KIF26B: variants seen among roughly 807,000 people sequenced by gnomAD.
KIF26B encodes kinesin-like protein KIF26B.
KIF26B carries 63 observed loss-of-function variants against 151.2 expected under a neutral mutation model. That is an observed-to-expected ratio of 0.42 (90% CI 0.34 to 0.51). KIF26B has a LOEUF of 0.51. Among genes scored for constraint, KIF26B ranks in the 20% least tolerant of loss-of-function variants. The pLI is 0.07. For missense variants in KIF26B, 2,813 were observed against 2,913.6 expected (o/e 0.97, Z 0.79); for synonymous variants, 1,357 against 1,262.1 (o/e 1.08, Z -1.59).
At chr1:245,232,731 G>A (rs913742843) in intron 2 of KIF26B, among the ~76,000 whole-genome samples, 3 of 152,068 alleles carry the variant, frequency 2.0e-5, no homozygotes, top group Non-Finnish European at 4.4e-5. Flanking sequence ...TGTATTTTTA[G>A]TAGAGACGGG....
At chr1:245,478,169 CTA>C (rs1306814249) in intron 4 of KIF26B, among the ~76,000 whole-genome samples, 1 of 151,768 alleles carries the variant, frequency 6.6e-6, no homozygotes, top group Non-Finnish European at 1.5e-5. Context: ...TTATTAGCAC[CTA>C]TTCCTTTCTG....
rs144930318 is a variant in KIF26B at position 245,683,762 on chromosome 1, G to T, written c.2259-471G>T. On this transcript the variant is annotated intron_variant, in intron 10 of 14. Coordinates refer to ENST00000407071, the MANE Select transcript of KIF26B (RefSeq NM_018012.4). ...TTTCCTGGCTAAAGGAACTGTGCAG[G>T]TATTAAAAACCCACCGATCTTTAAT... is the stretch of plus-strand genomic sequence containing the variant. 1.8e-3 allele frequency among the ~76,000 whole-genome samples: 279 copies of T among 152,296 alleles called. 2 individuals carry two copies. The highest frequency in any genetic ancestry group is 6.4e-3 in the African/African-American group (268 of 41,558).
chr1:245,178,514 C>T (rs1421514012), intron 2 of KIF26B, among the ~76,000 whole-genome samples: 5 of 152,110 alleles, frequency 3.3e-5, no homozygotes, highest in African/African-American at 7.2e-5. Flanking sequence ...CCTTTTTAAG[C>T]GTATGGTTCA....
chr1:245,288,484 C>T (rs1273678376), intron 2 of KIF26B, among the ~76,000 whole-genome samples: 1 of 152,078 alleles, frequency 6.6e-6, no homozygotes, highest in Non-Finnish European at 1.5e-5. Context: ...AGCAAATGTC[C>T]CTGGAAAAGG....
In KIF26B at chr1:245,572,984, G is replaced by C. The variant is rs988604184; in HGVS notation, c.1351-29593G>C. Among the ~76,000 whole-genome samples the C allele has an allele frequency of 6.6e-6, 1 of 152,076 alleles. No homozygotes were observed. Among genetic ancestry groups the C allele is most frequent in the African/African-American group, 2.4e-5 (1 of 41,404 alleles). On this transcript the variant is annotated intron_variant, in intron 5 of 14. Coordinates refer to ENST00000407071, the MANE Select transcript of KIF26B (RefSeq NM_018012.4). The surrounding 1 kb of genome is among the most constrained non-coding windows in gnomAD (Gnocchi z 4.2). ...TTCTTTATAAATACACATATCAATG[G>C]AGTTCTTGACATTTTGCCCAGAACC...
chr1:245,395,308 C>G (rs1558149532), intron 3 of KIF26B, among the ~76,000 whole-genome samples: 1 of 152,106 alleles, frequency 6.6e-6, no homozygotes, highest in Non-Finnish European at 1.5e-5. Context: ...TTCCTGGGTT[C>G]TTGATTTGCT....
At chr1:245,336,637 CT>C (rs1391871152) in intron 2 of KIF26B, among the ~76,000 whole-genome samples, 13 of 152,222 alleles carry the variant, frequency 8.5e-5, no homozygotes, top group Admixed American at 8.5e-4. Context: ...GGGAGAGCAC[CT>C]GAAGCCGCCT....
intron 4 of KIF26B, among the ~76,000 whole-genome samples, chr1:245,487,035 A>G (rs1249716251): frequency 6.6e-6 from 1 of 152,168 alleles, no homozygotes; most frequent in African/African-American, 2.4e-5. Flanking sequence ...GGTGGCTCCC[A>G]ATAGTAAACC....
intron 3 of KIF26B, among the ~76,000 whole-genome samples, chr1:245,381,618 A>G (rs1673411007): frequency 6.6e-6 from 1 of 152,096 alleles, no homozygotes; most frequent in South Asian, 2.1e-4. Context: ...TGACTCTTCC[A>G]TGGCATTAGG....
intron 3 of KIF26B, among the ~76,000 whole-genome samples, chr1:245,410,162 C>T (rs915144780): frequency 8.5e-5 from 13 of 152,178 alleles, no homozygotes; most frequent in Non-Finnish European, 1.8e-4. Flanking sequence ...AGCTTAGCTC[C>T]TCTCTGAGTT....
chr1:245,267,226 C>T (rs1256056033), intron 2 of KIF26B, among the ~76,000 whole-genome samples: 33 of 152,220 alleles, frequency 2.2e-4, no homozygotes, highest in Admixed American at 2.2e-3. Context: ...GCCATCTTCT[C>T]TACTAAGAAA....
chr1:245,405,240 C>A (rs1674105904), intron 3 of KIF26B, among the ~76,000 whole-genome samples: 1 of 152,184 alleles, frequency 6.6e-6, no homozygotes, highest in Non-Finnish European at 1.5e-5. Flanking sequence ...TCTAGATGAT[C>A]AGCCTCATGG....
At chr1:245,657,476 T>C (rs937717895) in intron 10 of KIF26B, among the ~76,000 whole-genome samples, 2 of 152,216 alleles carry the variant, frequency 1.3e-5, no homozygotes, top group Non-Finnish European at 2.9e-5. Context: ...ACATTCCACA[T>C]AGCTGCCAGA....
rs1374806709 is a variant in KIF26B at position 245,606,196 on chromosome 1, C to T, written c.1558-1455C>T. ...CCTCTGGCCCAGGAGGAGCCCCCCG[C>T]CCCCCGCAGAGTTGCTGGGGACCAC... is the stretch of plus-strand genomic sequence containing the variant. On this transcript the variant is annotated intron_variant, in intron 6 of 14. Coordinates refer to ENST00000407071, the MANE Select transcript of KIF26B (RefSeq NM_018012.4). The surrounding 1 kb of genome is among the most constrained non-coding windows in gnomAD (Gnocchi z 4.6). 2.0e-5 allele frequency among the ~76,000 whole-genome samples: 3 copies of T among 152,074 alleles called. No individual in the cohort carries two copies. The highest frequency in any genetic ancestry group is 7.2e-5 in the African/African-American group (3 of 41,420).
Position 245,608,600 on chromosome 1 carries a change from C to A in KIF26B, c.1652-666C>A, listed in dbSNP as rs149700121. Reference sequence around the variant, plus strand: ...TAAAGTGTGAATATGTGGACTTAATCTGGGGGGTAACTATAAAAAGAACCA... The same window carrying A: ...TAAAGTGTGAATATGTGGACTTAATATGGGGGGTAACTATAAAAAGAACCA... On this transcript the variant is annotated intron_variant, in intron 7 of 14. Transcript: ENST00000407071. Among the ~76,000 whole-genome samples the A allele has an allele frequency of 1.7e-3, 255 of 152,228 alleles. 1 individual carries two copies. The highest frequency in any genetic ancestry group is 6.0e-3 in the African/African-American group (250 of 41,530).
intron 4 of KIF26B, among the ~76,000 whole-genome samples, chr1:245,456,634 A>G (rs1659538867): frequency 6.6e-6 from 1 of 152,030 alleles, no homozygotes; most frequent in African/African-American, 2.4e-5. Flanking sequence ...TCTTCCTTCC[A>G]TTAGGATATT....
chr1:245,634,028 G>A (rs186813298), intron 9 of KIF26B, among the ~76,000 whole-genome samples: 2 of 152,232 alleles, frequency 1.3e-5, no homozygotes, highest in East Asian at 3.9e-4. Context: ...TGACCAGGCT[G>A]GTCTTGAACT....
intron 4 of KIF26B, among the ~76,000 whole-genome samples, chr1:245,513,819 G>A (rs10924220): frequency 0.24 from 37,224 of 152,070 alleles, 5,579 homozygotes; most frequent in East Asian, 0.49. Flanking sequence ...TCTCATTTTT[G>A]CCCTTTGTCT....
chr1:245,433,433 C>T (rs566085546), intron 4 of KIF26B, among the ~76,000 whole-genome samples: 5 of 150,822 alleles, frequency 3.3e-5, no homozygotes, highest in Non-Finnish European at 7.4e-5. Context: ...CGCCACTGCC[C>T]TCCAGCCTGG....
Sources: gnomAD v4.1 joint callset for allele counts (sites outside exome capture counted in the v4.1 genomes callset) on GRCh38, gnomAD v4.1.1 for gene constraint, Gnocchi (gnomAD v3.1) non-coding constraint, MANE v1.5 for transcripts, NCBI Gene and HGNC (gene_info 2026-07-23, HGNC 2026-07-21) for gene names.